SYNRG: variants seen among roughly 807,000 people sequenced by gnomAD.
SYNRG encodes synergin gamma, also known as AP1 gamma subunit binding protein 1.
SYNRG carries 37 observed loss-of-function variants against 130.9 expected under a neutral mutation model. The ratio of observed to expected loss-of-function variants is 0.28; its 90% CI spans 0.22 to 0.37. SYNRG has a LOEUF of 0.37. Ranked by LOEUF, SYNRG falls within the 10% of genes least tolerant of loss-of-function variation. The probability of loss-of-function intolerance (pLI) is 1.00; values close to 1 mark genes in which losing one functional copy is unlikely to be tolerated. For missense variants in SYNRG, 1,338 were observed against 1,588.9 expected, an observed-to-expected ratio of 0.84 and a Z score of 2.68; for synonymous variants, 539 against 568.1, an observed-to-expected ratio of 0.95 and a Z score of 0.73.
chr17:37,533,926 CTTTTTTTTT>C (rs765621244), intron 19 of SYNRG, among the ~76,000 whole-genome samples: 17 of 57,804 alleles, frequency 2.9e-4, no homozygotes, highest in Admixed American at 7.5e-4. Flanking sequence ...ATTTTCTTTT[CTTTTTTTTT>C]TTTTTTTTTT....
chr17:37,525,990 G>T (rs1219590441), intron 19 of SYNRG, among the ~76,000 whole-genome samples: 1 of 151,816 alleles, frequency 6.6e-6, no homozygotes, highest in Non-Finnish European at 1.5e-5. Flanking sequence ...ACAATTGGCC[G>T]GACGTGGTGG....
intron 19 of SYNRG, among the ~76,000 whole-genome samples, chr17:37,528,897 G>C (rs1174497835): frequency 6.6e-6 from 1 of 152,206 alleles, no homozygotes; most frequent in Non-Finnish European, 1.5e-5. Context: ...TCTGGGCAAA[G>C]AATGATTGTT....
chr17:37,541,766 C>T, intron 15 of SYNRG: 1 of 608,210 alleles, frequency 1.6e-6, no homozygotes, highest in Non-Finnish European at 2.9e-6. Context: ...TGTTTTTAGC[C>T]CATAAAGCAG....
At chr17:37,578,529 C>T (rs904662456) in intron 6 of SYNRG, among the ~76,000 whole-genome samples, 1 of 152,110 alleles carries the variant, frequency 6.6e-6, no homozygotes, top group Non-Finnish European at 1.5e-5. Context: ...GATAACACTT[C>T]CACTAACTCC....
chr17:37,541,219 T>C, intron 15 of SYNRG: 1 of 985,486 alleles, frequency 1.0e-6, no homozygotes, highest in Non-Finnish European at 1.2e-6. Context: ...ACCGAGTTCC[T>C]TCACAGTCTC....
intron 6 of SYNRG, among the ~76,000 whole-genome samples, chr17:37,581,270 ATTAC>A (rs1196865661): frequency 6.8e-6 from 1 of 147,232 alleles, no homozygotes; most frequent in African/African-American, 2.5e-5. Context: ...TATTATTATT[ATTAC>A]TATTATTATT....
intron 19 of SYNRG, chr17:37,529,882 G>C (rs1433574323): frequency 2.6e-6 from 4 of 1,547,994 alleles, no homozygotes; most frequent in African/African-American, 2.7e-5. Flanking sequence ...GGCTGATTTG[G>C]GGGTTGTATA....
chr17:37,579,153 A>G, intron 6 of SYNRG: 1 of 1,199,608 alleles, frequency 8.3e-7, no homozygotes, highest in African/African-American at 1.6e-5. Context: ...ACACTGTGTG[A>G]GGCTGAAGCA....
At chr17:37,539,389 GTT>G in intron 16 of SYNRG, 144 bp from the exon 17 acceptor site, 1 of 913,704 alleles carries the variant, frequency 1.1e-6, no homozygotes, top group Non-Finnish European at 1.6e-6. Flanking sequence ...TTTTGTTTTT[GTT>G]TTTGTTTTGA....
At chr17:37,523,088 A>G (rs2055348647) in intron 19 of SYNRG, among the ~76,000 whole-genome samples, 1 of 152,240 alleles carries the variant, frequency 6.6e-6, no homozygotes, top group Admixed American at 6.5e-5. Flanking sequence ...GTAAAATTTA[A>G]GAACTAGAAT....
chr17:37,609,084 T>C (rs1334283442), intron 1 of SYNRG, among the ~76,000 whole-genome samples, 195 bp downstream of exon 1: 2 of 142,980 alleles, frequency 1.4e-5, no homozygotes, highest in African/African-American at 2.6e-5. Context: ...CGCCCCCAAC[T>C]GATCCCGGAA....
intron 14 of SYNRG, among the ~76,000 whole-genome samples, chr17:37,545,394 C>CA (rs2058192226): frequency 6.6e-6 from 1 of 151,368 alleles, no homozygotes; most frequent in Admixed American, 6.6e-5. Flanking sequence ...GACTCTGTCT[C>CA]AAAAAAAGGA....
intron 3 of SYNRG, among the ~76,000 whole-genome samples, chr17:37,588,733 G>C (rs1308742412): frequency 2.9e-5 from 4 of 137,550 alleles, no homozygotes; most frequent in African/African-American, 1.1e-4. Flanking sequence ...CACAGTCCTA[G>C]AATTATTCTT....
At position 37,515,069 on chromosome 17, in the gene SYNRG, G is replaced by A. The variant is rs2054324183; in HGVS notation, c.*3871C>T. The A allele has an allele frequency of 6.6e-6, 1 of 152,178 alleles. No homozygotes were observed. Among genetic ancestry groups the A allele is most frequent in the South Asian group, 2.1e-4 (1 of 4,830 alleles). The allele number at this position is 152,178 out of a possible 1,614,324, so 9.4% of individuals were successfully genotyped here. A position where few individuals can be genotyped will look rare whatever the true frequency, so the allele number is the denominator to read the frequency against. ...AGCCACAGCTACAAAGTAATGAGAT[G>A]TCCCACATGAATACTTTTTAACCAC... On this transcript the variant is annotated 3_prime_UTR_variant, in exon 22 of 22. Transcript: ENST00000612223.
intron 14 of SYNRG, among the ~76,000 whole-genome samples, chr17:37,545,427 G>A (rs2058196281): frequency 6.6e-6 from 1 of 151,970 alleles, no homozygotes. Context: ...AGAAGCAAAT[G>A]ATAAATTTAA....
chr17:37,564,290 T>C (rs1416519838), intron 11 of SYNRG, among the ~76,000 whole-genome samples: 1 of 152,250 alleles, frequency 6.6e-6, no homozygotes, highest in Non-Finnish European at 1.5e-5. Flanking sequence ...TCAGGTCTTA[T>C]GTGCAGGCTC....
chr17:37,557,503 T>A (rs2059207143), intron 13 of SYNRG, among the ~76,000 whole-genome samples: 1 of 152,222 alleles, frequency 6.6e-6, no homozygotes, highest in Admixed American at 6.5e-5. Context: ...CAACTCTACT[T>A]GGAAAACCTT....
rs1024912671 is a variant in SYNRG, at chr17:37,517,599, C to T, written c.*1341G>A. 3 of 152,040 alleles carry T rather than the reference C, an allele frequency of 2.0e-5. No individual in the cohort carries two copies. The highest frequency in any genetic ancestry group is 7.2e-5 in the African/African-American group (3 of 41,380). 9.4% of individuals were successfully genotyped at this position (152,040 alleles called of 1,614,324 possible). A position where few individuals can be genotyped will look rare whatever the true frequency, so the allele number is the denominator to read the frequency against. Reference sequence around the variant, plus strand: ...GGAAAAGCTGTAAGATGGAGCAAGACAGAATTTGTCCTGAGAGGGGAAAAT... The same window carrying T: ...GGAAAAGCTGTAAGATGGAGCAAGATAGAATTTGTCCTGAGAGGGGAAAAT... On this transcript the variant is annotated 3_prime_UTR_variant, in exon 22 of 22. Transcript: ENST00000612223.
chr17:37,570,851 T>A lies in SYNRG; in HGVS notation c.1133A>T (p.Asn378Ile), dbSNP rs751442141. The A allele has an allele frequency of 5.6e-6, 9 of 1,614,104 alleles. No individual in the cohort carries two copies. ...GVPAMSPDAL[N>I]QFPAAPIPTL... Reference sequence around the variant, plus strand: ...TGGAATAGGAGCTGCTGGGAACTGGTTTAAAGCATCAGGACTCATTGCAGG... The same window carrying A: ...TGGAATAGGAGCTGCTGGGAACTGGATTAAAGCATCAGGACTCATTGCAGG... The change falls in exon 10 of 22, where the codon AAC becomes ATC. Residue 378 changes from asparagine (N) to isoleucine (I), a missense_variant. Physicochemically the swap from Asn to Ile is moderately radical, Grantham distance 149. This residue lies in a region of SYNRG where 1,146 missense variants were observed against 1,342.3 expected (regional missense o/e 0.85). Transcript: ENST00000612223.
Sources: gnomAD v4.1 joint callset for allele counts (sites outside exome capture counted in the v4.1 genomes callset) on GRCh38, gnomAD v4.1.1 for gene constraint, gnomAD v4.1.1 regional missense constraint, MANE v1.5 for transcripts, NCBI Gene and HGNC (gene_info 2026-07-23, HGNC 2026-07-21) for gene names.